PAPPA: variants seen among roughly 807,000 people sequenced by gnomAD.
The protein encoded by PAPPA is pappalysin-1.
In PAPPA, 60 loss-of-function variants were observed where a neutral mutation model predicts 164.0. That is an observed-to-expected ratio of 0.37 (90% CI 0.30 to 0.45). The LOEUF (loss-of-function observed/expected upper bound fraction) is 0.45, where lower values mean the gene tolerates loss of function less well. Ranked by LOEUF, PAPPA falls within the 20% of genes least tolerant of loss-of-function variation. The pLI is 1.00. For synonymous variants in PAPPA, 875 were observed against 814.1 expected (o/e 1.07, Z -1.27); for missense variants, 1,782 against 2,087.3 (o/e 0.85, Z 2.85).
intron 1 of PAPPA, among the ~76,000 whole-genome samples, chr9:116,182,796 G>A (rs1432796907): frequency 6.6e-6 from 1 of 152,174 alleles, no homozygotes; most frequent in Non-Finnish European, 1.5e-5. Context: ...AAGATAGGGT[G>A]CATTAGAAAG....
chr9:116,241,942 C>T (rs562407426), intron 7 of PAPPA, among the ~76,000 whole-genome samples: 1 of 151,750 alleles, frequency 6.6e-6, no homozygotes, highest in African/African-American at 2.4e-5. Context: ...ATCCTTTGTT[C>T]TTGTATGTAT....
chr9:116,193,952 T>C (rs1367644371), intron 2 of PAPPA, among the ~76,000 whole-genome samples: 1 of 152,222 alleles, frequency 6.6e-6, no homozygotes, highest in East Asian at 1.9e-4. Context: ...AATAGGCTTT[T>C]AGCATAAGCA....
intron 10 of PAPPA, among the ~76,000 whole-genome samples, chr9:116,303,812 G>T (rs2118893379): frequency 6.6e-6 from 1 of 152,314 alleles, no homozygotes; most frequent in East Asian, 1.9e-4. Flanking sequence ...ATGAAAGAAA[G>T]ATATGACCTT....
intron 21 of PAPPA, among the ~76,000 whole-genome samples, chr9:116,384,557 A>G (rs1029252059): frequency 1.3e-5 from 2 of 152,082 alleles, no homozygotes; most frequent in African/African-American, 4.8e-5. Flanking sequence ...TTATGTAACC[A>G]TTTACTTCAA....
chr9:116,235,881 C>T (rs1044443989), intron 7 of PAPPA, among the ~76,000 whole-genome samples: 1 of 152,170 alleles, frequency 6.6e-6, no homozygotes, highest in African/African-American at 2.4e-5. Flanking sequence ...CCTTAAGCCT[C>T]ATAAGCCTTT....
chr9:116,208,453 T>C (rs1844265018), intron 3 of PAPPA, among the ~76,000 whole-genome samples: 1 of 152,204 alleles, frequency 6.6e-6, no homozygotes, highest in Non-Finnish European at 1.5e-5. Flanking sequence ...AAAAGCACCC[T>C]TGTGGGTTAT....
At chr9:116,250,367 A>G (rs576574376) in intron 7 of PAPPA, among the ~76,000 whole-genome samples, 8 of 152,298 alleles carry the variant, frequency 5.3e-5, no homozygotes, top group Non-Finnish European at 7.3e-5. Context: ...TCAGAATCCT[A>G]TGAAGTGAAA....
At chr9:116,362,166 A>G (rs1459685872) in intron 17 of PAPPA, among the ~76,000 whole-genome samples, 1 of 152,170 alleles carries the variant, frequency 6.6e-6, no homozygotes, top group East Asian at 1.9e-4. Flanking sequence ...CTCACTATTT[A>G]AGAGGAAGTA....
chr9:116,325,042 G>C (rs187026199), intron 10 of PAPPA, among the ~76,000 whole-genome samples: 81 of 152,260 alleles, frequency 5.3e-4, no homozygotes, highest in African/African-American at 1.9e-3. Context: ...TTTTATGAAT[G>C]AATGTGGTGG....
chr9:116,279,135 GC>G (rs1418442892), intron 9 of PAPPA, among the ~76,000 whole-genome samples: 1 of 152,158 alleles, frequency 6.6e-6, no homozygotes, highest in African/African-American at 2.4e-5. Context: ...GGAGCTTTCA[GC>G]TCCGATTTTT....
chr9:116,187,724 A>T lies in PAPPA; in HGVS notation c.986A>T (p.Gln329Leu). 6.2e-7 allele frequency: 1 copy of T among 1,614,264 alleles called. No individual in the cohort carries two copies. Among genetic ancestry groups the T allele is most frequent in the Non-Finnish European group, 8.5e-7 (1 of 1,180,044 alleles). ...DTSLEPPLCG[Q>L]TLCDNTEVIA... The stretch of plus-strand genomic sequence containing the variant: ...AGTCTGGAGCCTCCTCTGTGCGGAC[A>T]GACATTGTGTGACAACACAGAGGTC... Residue 329 changes from glutamine (Q) to leucine (L), a missense_variant, in exon 2 of 22, where the codon CAG (glutamine) becomes CTG (leucine). By Grantham distance (113) the Gln-to-Leu change is moderately radical. Around this residue, in one of 2 missense-constraint regions of PAPPA, gnomAD observed 1,324 missense variants for 1,656.9 expected, o/e 0.80. Transcript: ENST00000328252. This position sits in a 1 kb window ranked among gnomAD's most constrained non-coding sequence, Gnocchi z 4.2.
Position 116,271,729 on chromosome 9 carries a change from G to A in PAPPA, c.2953+313G>A, listed in dbSNP as rs1845140196. On this transcript the variant is annotated intron_variant, in intron 9 of 21. Coordinates refer to ENST00000328252, the MANE Select transcript of PAPPA (RefSeq NM_002581.5). The surrounding 1 kb of genome is among the most constrained non-coding windows in gnomAD (Gnocchi z 4.2). ...TTTCTTCACACTAACTGTCCAGGAT[G>A]GGTATTACTGGAGATGTTTTAAGGC... is the stretch of plus-strand genomic sequence containing the variant. Among the ~76,000 whole-genome samples, 1 of 152,186 alleles carries A rather than the reference G, an allele frequency of 6.6e-6. No homozygotes were observed. Among genetic ancestry groups the A allele is most frequent in the Admixed American group, 6.5e-5 (1 of 15,278 alleles).
chr9:116,159,195 T>A (rs1405373993), intron 1 of PAPPA, among the ~76,000 whole-genome samples: 1 of 152,242 alleles, frequency 6.6e-6, no homozygotes, highest in Non-Finnish European at 1.5e-5. Flanking sequence ...CATCCATCTC[T>A]TCCTTGGTTT....
chr9:116,205,082 T>G (rs59107471), intron 2 of PAPPA, among the ~76,000 whole-genome samples: 20 of 149,976 alleles, frequency 1.3e-4, no homozygotes, highest in Non-Finnish European at 4.4e-5. Flanking sequence ...TTTTTTTTTT[T>G]CCCCCCTTTG....
chr9:116,288,792 G>A (rs1235066005), intron 9 of PAPPA: 4 of 151,906 alleles, frequency 2.6e-5, no homozygotes, highest in African/African-American at 4.8e-5. Flanking sequence ...TAGACTTATC[G>A]AAACCATATA....
Position 116,153,931 on chromosome 9 carries a change from A to G in PAPPA, c.-242A>G. 2 of 273,124 alleles carry G rather than the reference A, an allele frequency of 7.3e-6. No individual in the cohort carries two copies. The highest frequency in any genetic ancestry group is 1.2e-5 in the Non-Finnish European group (2 of 162,944). The allele number at this position is 273,124 out of a possible 1,614,324, so 16.9% of individuals were successfully genotyped here. A position where few individuals can be genotyped will look rare whatever the true frequency, so the allele number is the denominator to read the frequency against. On this transcript the variant is annotated 5_prime_UTR_variant, in exon 1 of 22. Coordinates refer to ENST00000328252, the MANE Select transcript of PAPPA (RefSeq NM_002581.5). ...GTTAGGGGAAAAATAAGGCAGATAA[A>G]GGAGCGGGGAGAGAAATTAATTGCC...
intron 21 of PAPPA, among the ~76,000 whole-genome samples, chr9:116,386,938 C>CCTCT (rs1846822388): frequency 6.6e-6 from 1 of 152,152 alleles, no homozygotes; most frequent in Non-Finnish European, 1.5e-5. Context: ...CCGCAGGAAG[C>CCTCT]CTCTCAGAGA....
chr9:116,314,299 G>A (rs779066791), intron 10 of PAPPA, among the ~76,000 whole-genome samples: 2 of 151,858 alleles, frequency 1.3e-5, no homozygotes, highest in African/African-American at 2.4e-5. Context: ...TCGATCTCCT[G>A]ATCTCGTGAT....
intron 10 of PAPPA, among the ~76,000 whole-genome samples, chr9:116,322,778 CTGTG>C (rs138568957): frequency 0.15 from 22,678 of 150,866 alleles, 2,199 homozygotes; most frequent in Non-Finnish European, 0.22. Flanking sequence ...CACTGGCTGG[CTGTG>C]TGTGTGTGTG....
Sources: allele counts gnomAD v4.1 joint callset (sites outside exome capture counted in the v4.1 genomes callset), GRCh38; gene constraint gnomAD v4.1.1; regional missense constraint gnomAD v4.1.1; non-coding constraint Gnocchi (gnomAD v3.1); transcripts MANE v1.5; gene names NCBI Gene and HGNC (gene_info 2026-07-23, HGNC 2026-07-21).